Variants in SYK observed in about 807,000 individuals in gnomAD.
The protein encoded by SYK is tyrosine-protein kinase SYK.
SYK carries 16 observed loss-of-function variants against 77.8 expected under a neutral mutation model. That is an observed-to-expected ratio of 0.21 (90% confidence interval 0.14 to 0.31). The LOEUF is 0.31. Among genes scored for constraint, SYK ranks in the 10% least tolerant of loss-of-function variants. The pLI is 1.00. For synonymous variants in SYK, 312 were observed against 308.7 expected, an observed-to-expected ratio of 1.01 and a Z score of -0.11; for missense variants, 529 against 814.4, an observed-to-expected ratio of 0.65 and a Z score of 4.26.
intron 1 of SYK, among the ~76,000 whole-genome samples, chr9:90,802,770 G>C (rs534025596): frequency 1.8e-5 from 2 of 112,232 alleles, no homozygotes; most frequent in Non-Finnish European, 3.3e-5. Context: ...ACTTAGCAAA[G>C]ATTCAGTCGA....
Position 90,888,501 on chromosome 9 carries a change from C to T in SYK, c.1723-14C>T, listed in dbSNP as rs2118976559. On this transcript the variant is annotated splice_polypyrimidine_tract_variant and intron_variant, in intron 12 of 13. Coordinates refer to ENST00000375754, the MANE Select transcript of SYK (RefSeq NM_003177.7). ...TAAAAAAAAAAAAGCTTATGCATAT[C>T]TTGCATGTTGTAGGGGATGAAAGGA... 1 of 1,557,188 alleles carries T rather than the reference C, an allele frequency of 6.4e-7. No individual in the cohort carries two copies. The highest frequency in any genetic ancestry group is 8.7e-7 in the Non-Finnish European group (1 of 1,152,720).
chr9:90,874,224 C>G lies in SYK; in HGVS notation c.936C>G (p.Asn312Lys), dbSNP rs766337942. 11 of 1,614,044 alleles carry G rather than the reference C, an allele frequency of 6.8e-6. No individual in the cohort carries two copies. In the East Asian group the frequency reaches 2.4e-4, roughly 36 times the overall value. ...GHRKSSPAQG[N>K]RQESTVSFNP... ...TTTAGTCCTCCCCTGCCCAAGGGAA[C>G]CGGCAAGAGAGTACTGTGTCATTCA... The change falls in exon 8 of 14, where the codon AAC becomes AAG. Residue 312 changes from asparagine to lysine, a missense_variant. By Grantham distance (94) the Asn-to-Lys change is moderately conservative. Around this residue, in one of 2 missense-constraint regions of SYK, gnomAD observed 321 missense variants for 433.1 expected, o/e 0.74. Transcript: ENST00000375754.
intron 1 of SYK, among the ~76,000 whole-genome samples, chr9:90,821,066 A>G (rs1303203852): frequency 6.6e-6 from 1 of 152,160 alleles, no homozygotes; most frequent in Non-Finnish European, 1.5e-5. Context: ...CCAGTTCCTA[A>G]CAAGTTTCTC....
chr9:90,818,110 C>T (rs1161311622), intron 1 of SYK, among the ~76,000 whole-genome samples: 1 of 152,162 alleles, frequency 6.6e-6, no homozygotes, highest in Non-Finnish European at 1.5e-5. Context: ...GCAAACATAG[C>T]TGCATTGGGC....
At chr9:90,876,287 CAAAAA>C (rs71923873) in intron 9 of SYK, among the ~76,000 whole-genome samples, 29 of 120,064 alleles carry the variant, frequency 2.4e-4, no homozygotes, top group Admixed American at 6.4e-4. Context: ...AACTCTGCCT[CAAAAA>C]AAAAAAAAAA....
chr9:90,883,927 T>A (rs925751795), intron 11 of SYK, among the ~76,000 whole-genome samples: 1 of 152,106 alleles, frequency 6.6e-6, no homozygotes, highest in Non-Finnish European at 1.5e-5. Flanking sequence ...AGGACAGGCA[T>A]ACTCAGCTCA....
At chr9:90,838,921 C>T (rs183746137) in intron 1 of SYK, among the ~76,000 whole-genome samples, 8 of 152,298 alleles carry the variant, frequency 5.3e-5, no homozygotes, top group Non-Finnish European at 7.4e-5. Flanking sequence ...GGGAAAGTCA[C>T]GGGCTCCGTC....
At chr9:90,877,889 G>A in intron 10 of SYK, 109 bp downstream of exon 10, 2 of 1,116,336 alleles carry the variant, frequency 1.8e-6, no homozygotes, top group South Asian at 2.9e-5. Flanking sequence ...CCACCCTCCT[G>A]TGCCTTCCTT....
intron 3 of SYK, among the ~76,000 whole-genome samples, chr9:90,856,740 C>T (rs927467753): frequency 6.6e-6 from 1 of 152,042 alleles, no homozygotes; most frequent in Non-Finnish European, 1.5e-5. Context: ...ACTACCGAAA[C>T]TTTTGGAGGA....
intron 7 of SYK, among the ~76,000 whole-genome samples, chr9:90,873,496 C>A (rs565583025): frequency 2.9e-4 from 44 of 152,064 alleles, no homozygotes; most frequent in Non-Finnish European, 5.1e-4. Flanking sequence ...GTAGATTTCC[C>A]CCCCCAGTTG....
intron 1 of SYK, among the ~76,000 whole-genome samples, chr9:90,807,895 G>A (rs1240139335): frequency 2.6e-5 from 4 of 152,146 alleles, no homozygotes; most frequent in Non-Finnish European, 5.9e-5. Context: ...GCATTCATGT[G>A]TGCATGTGTG....
chr9:90,840,236 G>A (rs1826245750), intron 1 of SYK, among the ~76,000 whole-genome samples: 1 of 152,184 alleles, frequency 6.6e-6, no homozygotes, highest in African/African-American at 2.4e-5. Context: ...GGTGGCATCA[G>A]AACCCAGCAT....
chr9:90,878,592 T>C (rs919071654), intron 10 of SYK, among the ~76,000 whole-genome samples, 172 bp from the exon 11 acceptor site: 6 of 152,190 alleles, frequency 3.9e-5, no homozygotes, highest in African/African-American at 1.4e-4. Context: ...GAATATGGCA[T>C]TGAGTCCTGA....
At chr9:90,838,183 A>C (rs1257063489) in intron 1 of SYK, among the ~76,000 whole-genome samples, 1 of 152,208 alleles carries the variant, frequency 6.6e-6, no homozygotes, top group Non-Finnish European at 1.5e-5. Context: ...AGCTCAGTGG[A>C]GAGAAATAAA....
At chr9:90,867,075 T>C (rs901328988) in intron 6 of SYK, 56 bp from the exon 7 acceptor site, 15 of 1,592,936 alleles carry the variant, frequency 9.4e-6, no homozygotes, top group African/African-American at 1.3e-5. Flanking sequence ...GTGGAAGGGA[T>C]CCTGTATTTG....
intron 1 of SYK, among the ~76,000 whole-genome samples, chr9:90,813,170 T>C (rs1208520972): frequency 6.6e-6 from 1 of 152,124 alleles, no homozygotes; most frequent in Non-Finnish European, 1.5e-5. Context: ...ACGTAAGCAA[T>C]TTCGCTCCTG....
At chr9:90,850,236 C>A (rs1273879609) in intron 3 of SYK, among the ~76,000 whole-genome samples, 1 of 152,178 alleles carries the variant, frequency 6.6e-6, no homozygotes. Flanking sequence ...ATAATTATTT[C>A]GGCCGGGCAT....
intron 1 of SYK, among the ~76,000 whole-genome samples, chr9:90,840,906 G>A (rs978337666): frequency 1.3e-5 from 2 of 152,216 alleles, no homozygotes; most frequent in African/African-American, 4.8e-5. Context: ...AAACTCTGTC[G>A]CCTGTGTCAG....
At chr9:90,880,695 C>T (rs1213820016) in intron 11 of SYK, among the ~76,000 whole-genome samples, 1 of 152,226 alleles carries the variant, frequency 6.6e-6, no homozygotes, top group Non-Finnish European at 1.5e-5. Flanking sequence ...CCAAAAACAC[C>T]ACCAGGTGTT....
Sources: allele counts gnomAD v4.1 joint callset (sites outside exome capture counted in the v4.1 genomes callset), GRCh38; gene constraint gnomAD v4.1.1; regional missense constraint gnomAD v4.1.1; transcripts MANE v1.5; gene names NCBI Gene and HGNC (gene_info 2026-07-23, HGNC 2026-07-21).